The following ERI1 variants were observed in gnomAD, a reference collection of about 807,000 sequenced individuals.
ERI1 encodes 3'-5' exoribonuclease 1.
In ERI1, 39 loss-of-function variants were observed where a neutral mutation model predicts 39.7. The observed-to-expected ratio is 0.98, with a 90% CI of 0.76 to 1.28. ERI1 has a LOEUF of 1.28. Among genes scored for constraint, ERI1 ranks in the 50% most tolerant of loss-of-function variants. ERI1 has a pLI of 0.00. For missense variants in ERI1, 581 were observed against 416.9 expected, an observed-to-expected ratio of 1.39 and a Z score of -3.43; for synonymous variants, 204 against 149.6, an observed-to-expected ratio of 1.36 and a Z score of -2.65.
chr8:9,053,065 G>A (rs1325073756), intron 3 of ERI1, among the ~76,000 whole-genome samples: 1 of 152,134 alleles, frequency 6.6e-6, no homozygotes, highest in East Asian at 1.9e-4. Context: ...CACCCAGGCT[G>A]GAGTGCAATG....
At chr8:9,024,667 G>T (rs757200166) in intron 6 of ERI1, among the ~76,000 whole-genome samples, 2 of 151,862 alleles carry the variant, frequency 1.3e-5, no homozygotes, top group Non-Finnish European at 2.9e-5. Flanking sequence ...CAAATGATCT[G>T]CCCCCCCTCG....
chr8:9,083,658 A>G (rs1239324117), intron 3 of ERI1, among the ~76,000 whole-genome samples: 3 of 151,498 alleles, frequency 2.0e-5, no homozygotes, highest in Admixed American at 6.6e-5. Context: ...GCGGGGGGGA[A>G]GAATACTGCT....
intron 3 of ERI1, among the ~76,000 whole-genome samples, chr8:9,089,980 A>G (rs573026788): frequency 1.6e-4 from 25 of 152,318 alleles, no homozygotes; most frequent in African/African-American, 5.8e-4. Flanking sequence ...AGGGTGTGCT[A>G]CTTGCAAAGC....
At chr8:9,065,733 C>A (rs1206707094) in intron 3 of ERI1, among the ~76,000 whole-genome samples, 1 of 103,060 alleles carries the variant, frequency 9.7e-6, no homozygotes, top group African/African-American at 3.3e-5. Flanking sequence ...CCTGACAATA[C>A]GTGCAAAAAT....
intron 3 of ERI1, among the ~76,000 whole-genome samples, chr8:9,063,145 C>T (rs916971372): frequency 3.3e-5 from 5 of 152,022 alleles, no homozygotes; most frequent in African/African-American, 7.3e-5. Context: ...TATTTAATGT[C>T]GGCAGCAGAT....
At chr8:9,037,857 C>G (rs1797900898), downstream of ERI1, among the ~76,000 whole-genome samples, 1 of 148,520 alleles carries the variant, frequency 6.7e-6, no homozygotes, top group Non-Finnish European at 1.5e-5. Context: ...GTTAAGCTGT[C>G]CTTCCTAGTA....
intron 3 of ERI1, among the ~76,000 whole-genome samples, chr8:9,060,683 T>A (rs1350489688): frequency 6.6e-6 from 1 of 151,656 alleles, no homozygotes; most frequent in Non-Finnish European, 1.5e-5. Context: ...TGGGAAGAGA[T>A]TGATAGGTGG....
intron 3 of ERI1, chr8:9,091,109 A>T (rs1248844212): frequency 1.3e-5 from 2 of 152,250 alleles, no homozygotes; most frequent in East Asian, 3.8e-4. Context: ...AGTTTAAAAT[A>T]ATGCTGCAAG....
At chr8:9,091,896 T>C (rs189962922) in intron 3 of ERI1, among the ~76,000 whole-genome samples, 99 of 118,646 alleles carry the variant, frequency 8.3e-4, no homozygotes, top group Middle Eastern at 5.4e-3. Flanking sequence ...AGTAACAAAA[T>C]TGTTAATTTG....
intron 3 of ERI1, among the ~76,000 whole-genome samples, chr8:9,042,674 T>C (rs970413684): frequency 6.6e-6 from 1 of 152,148 alleles, no homozygotes; most frequent in African/African-American, 2.4e-5. Context: ...AGGGAAGTGT[T>C]ATGCTTTGAG....
intron 3 of ERI1, among the ~76,000 whole-genome samples, chr8:9,084,894 TG>T (rs1194129508): frequency 6.6e-6 from 1 of 152,262 alleles, no homozygotes; most frequent in East Asian, 1.9e-4. Flanking sequence ...AAAAATGTTG[TG>T]ATTTGTATGA....
intron 6 of ERI1, among the ~76,000 whole-genome samples, 164 bp from the exon 7 acceptor site, chr8:9,029,628 G>A (rs538850136): frequency 6.6e-6 from 1 of 152,138 alleles, no homozygotes; most frequent in Admixed American, 6.5e-5. Flanking sequence ...ACCTTGCCTG[G>A]CCTGAATTTT....
In ERI1 at chr8:9,081,523, G is replaced by T. The variant is rs368266115; in HGVS notation, n.300-34825G>T. 5.9e-5 allele frequency among the ~76,000 whole-genome samples: 9 copies of T among 151,796 alleles called. No homozygotes were observed. The East Asian group carries it at 1.2e-3, about 20-fold the overall frequency. ...TTGCCAGCTCAGCCATTTTCTCTCC[G>T]GCCATCCTTCCCCTGATATGTTCCC... On this transcript the variant is annotated intron_variant and non_coding_transcript_variant, in intron 3 of 3. Coordinates refer to the ERI1 transcript ENST00000518663.
chr8:9,021,451 C>T (rs957967689), intron 6 of ERI1, among the ~76,000 whole-genome samples: 2 of 152,124 alleles, frequency 1.3e-5, no homozygotes, highest in Non-Finnish European at 2.9e-5. Flanking sequence ...TTTGGAGAAG[C>T]ATGTTCTAAA....
chr8:9,067,402 G>GTGTC (rs1328385521), intron 3 of ERI1, among the ~76,000 whole-genome samples: 1 of 151,542 alleles, frequency 6.6e-6, no homozygotes, highest in Non-Finnish European at 1.5e-5. Flanking sequence ...GTGTGTGTGT[G>GTGTC]TGTGTGTGTG....
chr8:9,053,710 G>T (rs1162221109), intron 3 of ERI1, among the ~76,000 whole-genome samples: 2 of 152,146 alleles, frequency 1.3e-5, no homozygotes, highest in Non-Finnish European at 2.9e-5. Context: ...CTGAGGCCTT[G>T]GTTTGTGTGA....
At chr8:9,059,146 C>T (rs1288651026) in intron 3 of ERI1, among the ~76,000 whole-genome samples, 1 of 151,938 alleles carries the variant, frequency 6.6e-6, no homozygotes, top group East Asian at 1.9e-4. Flanking sequence ...CAGGATGAGC[C>T]AGGAGAAGGA....
At chr8:9,043,298 C>A (rs751513035) in intron 3 of ERI1, among the ~76,000 whole-genome samples, 1 of 152,204 alleles carries the variant, frequency 6.6e-6, no homozygotes, top group African/African-American at 2.4e-5. Context: ...GTATGCAGCA[C>A]CCTCCCCCAA....
intron 3 of ERI1, among the ~76,000 whole-genome samples, chr8:9,040,713 T>C (rs1415790073): frequency 7.3e-6 from 1 of 137,810 alleles, no homozygotes; most frequent in Non-Finnish European, 1.6e-5. Context: ...TTTTCATCAG[T>C]AATATAGTGT....
Sources: allele counts gnomAD v4.1 joint callset (sites outside exome capture counted in the v4.1 genomes callset), GRCh38; gene constraint gnomAD v4.1.1; transcripts MANE v1.5; gene names NCBI Gene and HGNC (gene_info 2026-07-23, HGNC 2026-07-21).